Variants in EPM2A observed in about 807,000 individuals in gnomAD.
EPM2A encodes laforin.
Under a neutral mutation model 26.5 loss-of-function variants are expected in EPM2A, and 21 were observed. That is an observed-to-expected ratio of 0.79 (90% CI 0.56 to 1.14). The LOEUF (loss-of-function observed/expected upper bound fraction) is 1.14, where lower values mean the gene tolerates loss of function less well. EPM2A is among the 50% of genes most tolerant of loss of function. EPM2A has a pLI of 0.00. For synonymous variants in EPM2A, 217 were observed against 177.6 expected (o/e 1.22, Z -1.76); for missense variants, 458 against 440.8 (o/e 1.04, Z -0.35).
chr6:145,490,356 CT>C, intron 4 of EPM2A: 3 of 1,272,626 alleles, frequency 2.4e-6, no homozygotes, highest in South Asian at 1.3e-5. Context: ...TTCTTTCTTC[CT>C]TTTTTGCCTC....
chr6:145,463,724 C>T (rs1464700396), intron 4 of EPM2A, among the ~76,000 whole-genome samples: 1 of 152,034 alleles, frequency 6.6e-6, no homozygotes, highest in African/African-American at 2.4e-5. Flanking sequence ...TTTGTATTTG[C>T]ATCTTTAGGC....
intron 2 of EPM2A, among the ~76,000 whole-genome samples, chr6:145,678,584 G>A (rs1467527885): frequency 1.3e-5 from 2 of 152,122 alleles, no homozygotes; most frequent in Non-Finnish European, 2.9e-5. Context: ...CAAAAAGTGG[G>A]CAAAGGATAT....
chr6:145,500,798 G>A (rs1779878926), downstream of EPM2A, among the ~76,000 whole-genome samples: 1 of 152,136 alleles, frequency 6.6e-6, no homozygotes, highest in Non-Finnish European at 1.5e-5. Flanking sequence ...GTCAAGTGTA[G>A]ATCTGGAAAT....
At chr6:145,490,394 G>C (rs899105684) in intron 4 of EPM2A, 4 of 869,020 alleles carry the variant, frequency 4.6e-6, no homozygotes, top group Admixed American at 1.9e-5. Context: ...GCAGTGAGGT[G>C]ACATTTGAGG....
At chr6:145,458,314 C>T (rs1779286739) in intron 4 of EPM2A, among the ~76,000 whole-genome samples, 1 of 134,206 alleles carries the variant, frequency 7.5e-6, no homozygotes, top group Admixed American at 7.4e-5. Flanking sequence ...GTTGGGAAGG[C>T]CGAACGCTAT....
intron 2 of EPM2A, among the ~76,000 whole-genome samples, chr6:145,578,234 T>G (rs572944780): frequency 6.6e-6 from 1 of 151,898 alleles, no homozygotes; most frequent in East Asian, 1.9e-4. Flanking sequence ...TAAATAAATA[T>G]AAAAGTTTAA....
intron 4 of EPM2A, among the ~76,000 whole-genome samples, chr6:145,487,032 C>T (rs552700712): frequency 4.6e-5 from 7 of 152,082 alleles, no homozygotes; most frequent in African/African-American, 1.4e-4. Flanking sequence ...TGTGTTGTTC[C>T]CCTCTATGTG....
chr6:145,548,930 G>A (rs1011120832), intron 2 of EPM2A, among the ~76,000 whole-genome samples: 3 of 152,098 alleles, frequency 2.0e-5, no homozygotes, highest in African/African-American at 4.8e-5. Flanking sequence ...CTGCTAAGGA[G>A]GTACTACTTC....
intron 2 of EPM2A, among the ~76,000 whole-genome samples, chr6:145,573,179 G>A (rs1173671767): frequency 6.6e-6 from 1 of 152,214 alleles, no homozygotes; most frequent in East Asian, 1.9e-4. Context: ...ATGGACCAGT[G>A]TGATATCTTG....
chr6:145,717,247 C>T (rs1483299258), intron 1 of EPM2A, among the ~76,000 whole-genome samples: 2 of 152,190 alleles, frequency 1.3e-5, no homozygotes, highest in African/African-American at 4.8e-5. Context: ...AATTCAGCAG[C>T]ACATCAAAAA....
chr6:145,392,978 A>G (rs1778357382), intron 4 of EPM2A, among the ~76,000 whole-genome samples: 1 of 151,872 alleles, frequency 6.6e-6, no homozygotes, highest in African/African-American at 2.4e-5. Flanking sequence ...CCAGTCTTTG[A>G]TTTTTTTTCA....
rs1423139720 is a variant in EPM2A, at chr6:145,735,355, G to C, written c.144C>G (p.Gly48=). ...VRLRPAGTAA[G]DGALALQEPG... ...GCTCCTGCAGGGCCAGGGCCCCGTC[G>C]CCCGCCGCGGTGCCGGCCGGCCTCA... Residue 48 remains glycine, a synonymous_variant, in exon 1 of 4, where the codon GGC becomes GGG. Transcript: ENST00000367519. The C allele has an allele frequency of 1.7e-6, 2 of 1,193,586 alleles. No individual in the cohort carries two copies. Among genetic ancestry groups the C allele is most frequent in the Admixed American group, 7.5e-5 (2 of 26,548 alleles). The allele number at this position is 1,193,586 out of a possible 1,614,324, so 73.9% of individuals were successfully genotyped here.
chr6:145,455,740 C>T (rs189065643), intron 4 of EPM2A, among the ~76,000 whole-genome samples: 174 of 152,208 alleles, frequency 1.1e-3, no homozygotes, highest in African/African-American at 4.0e-3. Flanking sequence ...GTGAATAATT[C>T]GTTGATAACA....
At chr6:145,539,137 C>A (rs1004688397) in intron 2 of EPM2A, among the ~76,000 whole-genome samples, 1 of 152,216 alleles carries the variant, frequency 6.6e-6, no homozygotes, top group South Asian at 2.1e-4. Context: ...TACACAAACA[C>A]AGATCACATC....
At chr6:145,684,688 C>T (rs1780783239) in intron 2 of EPM2A, 1 of 152,124 alleles carries the variant, frequency 6.6e-6, no homozygotes, top group Admixed American at 6.6e-5. Flanking sequence ...AAATCAATTT[C>T]CTTCCTGTAA....
chr6:145,620,705 C>A (rs747524331), downstream of EPM2A, among the ~76,000 whole-genome samples: 1 of 152,212 alleles, frequency 6.6e-6, no homozygotes, highest in Non-Finnish European at 1.5e-5. Context: ...CATTCTTTCA[C>A]TGTCTAGTTT....
At chr6:145,594,822 G>A (rs549803187) in intron 2 of EPM2A, among the ~76,000 whole-genome samples, 1 of 151,624 alleles carries the variant, frequency 6.6e-6, no homozygotes, top group South Asian at 2.1e-4. Flanking sequence ...CATTATACAT[G>A]TTCCCTAGTG....
intron 1 of EPM2A, among the ~76,000 whole-genome samples, chr6:145,719,373 C>CA: frequency 6.7e-6 from 1 of 148,572 alleles, no homozygotes; most frequent in South Asian, 2.2e-4. Context: ...ATCGCAAGAA[C>CA]AAAAAACCAA....
At chr6:145,715,912 A>C (rs940376199) in intron 1 of EPM2A, among the ~76,000 whole-genome samples, 7 of 152,204 alleles carry the variant, frequency 4.6e-5, no homozygotes, top group African/African-American at 1.7e-4. Context: ...CAATGGAATA[A>C]TAATAGAAAC....
Sources: gnomAD v4.1 joint callset for allele counts (sites outside exome capture counted in the v4.1 genomes callset) on GRCh38, gnomAD v4.1.1 for gene constraint, MANE v1.5 for transcripts, NCBI Gene and HGNC (gene_info 2026-07-23, HGNC 2026-07-21) for gene names.